The following TAPT1 variants were observed in gnomAD, a reference collection of about 807,000 sequenced individuals.
TAPT1 encodes the protein transmembrane anterior posterior transformation protein 1 homolog.
TAPT1 carries 28 observed loss-of-function variants against 65.6 expected under a neutral mutation model. The ratio of observed to expected loss-of-function variants is 0.43; its 90% confidence interval spans 0.32 to 0.59. The LOEUF is 0.59. TAPT1 is among the 20% of genes least tolerant of loss of function. The pLI, the probability that TAPT1 is intolerant of heterozygous loss-of-function variation, is 0.09. For synonymous variants in TAPT1, 278 were observed against 245.2 expected (o/e 1.13, Z -1.25); for missense variants, 563 against 679.9 (o/e 0.83, Z 1.91).
intron 1 of TAPT1, among the ~76,000 whole-genome samples, chr4:16,214,141 T>A (rs1251070003): frequency 6.6e-6 from 1 of 152,206 alleles, no homozygotes; most frequent in East Asian, 1.9e-4. Flanking sequence ...AGGGCTAGAA[T>A]AGTCAGAAAA....
At chr4:16,174,515 A>C (rs981276696) in intron 10 of TAPT1, 155 bp downstream of exon 10, 1 of 718,746 alleles carries the variant, frequency 1.4e-6, no homozygotes, top group African/African-American at 1.8e-5. Context: ...ATTATTCTTA[A>C]TTTGTAAATG....
chr4:16,161,196 T>C lies in TAPT1; in HGVS notation c.*2112A>G, dbSNP rs1244865889. On this transcript the variant is annotated 3_prime_UTR_variant, in exon 14 of 14. Transcript: ENST00000405303. ...AAGCAATAATTCAAATTAAGATAGC[T>C]CTATCACTTGTGAATTACAAATAAA... 6.6e-6 allele frequency: 1 copy of C among 152,624 alleles called. No individual in the cohort carries two copies. Among genetic ancestry groups the C allele is most frequent in the African/African-American group, 2.4e-5 (1 of 41,442 alleles). 9.5% of individuals were successfully genotyped at this position (152,624 alleles called of 1,614,324 possible). A position where few individuals can be genotyped will look rare whatever the true frequency, so the allele number is the denominator to read the frequency against.
intron 1 of TAPT1, among the ~76,000 whole-genome samples, chr4:16,219,866 C>T (rs1751150013): frequency 6.6e-6 from 1 of 152,156 alleles, no homozygotes; most frequent in African/African-American, 2.4e-5. Context: ...GGGAATAGTA[C>T]CTAGTCCAGC....
chr4:16,197,788 T>C (rs888615096), intron 3 of TAPT1, among the ~76,000 whole-genome samples: 2 of 152,178 alleles, frequency 1.3e-5, no homozygotes, highest in Admixed American at 1.3e-4. Flanking sequence ...ACTACTCTTA[T>C]CTGGGAAAGA....
chr4:16,226,565 C>A (rs927444643), upstream of TAPT1: 6 of 776,098 alleles, frequency 7.7e-6, no homozygotes, highest in African/African-American at 9.5e-5. Context: ...CCGCCGCCGC[C>A]GCCGCCGCCA....
chr4:16,187,685 T>C (rs1337075717), intron 5 of TAPT1, among the ~76,000 whole-genome samples: 1 of 152,112 alleles, frequency 6.6e-6, no homozygotes, highest in East Asian at 1.9e-4. Flanking sequence ...TATAAATATG[T>C]AGGGGTACAC....
At chr4:16,169,389 C>A (rs1172045450) in intron 12 of TAPT1, among the ~76,000 whole-genome samples, 1 of 152,138 alleles carries the variant, frequency 6.6e-6, no homozygotes, top group Non-Finnish European at 1.5e-5. Context: ...ACAATTATTC[C>A]CATTGAGATT....
chr4:16,183,080 A>G (rs1748806971), intron 7 of TAPT1: 1 of 152,246 alleles, frequency 6.6e-6, no homozygotes, highest in Non-Finnish European at 1.5e-5. Flanking sequence ...CTACTACTGA[A>G]GCATATGAAG....
intron 13 of TAPT1, among the ~76,000 whole-genome samples, chr4:16,165,552 G>A (rs1253901040): frequency 2.0e-5 from 3 of 147,618 alleles, no homozygotes; most frequent in Non-Finnish European, 4.5e-5. Context: ...CCTGGGCGAC[G>A]GAGCAAAACT....
At chr4:16,163,756 A>T (rs1158563806) in intron 13 of TAPT1, among the ~76,000 whole-genome samples, 1 of 152,208 alleles carries the variant, frequency 6.6e-6, no homozygotes, top group Non-Finnish European at 1.5e-5. Context: ...AGGGTACATT[A>T]CATTGCTCGT....
Position 16,174,747 on chromosome 4 carries a change from T to C in TAPT1, c.1108-18A>G. 3.9e-6 allele frequency: 6 copies of C among 1,533,152 alleles called. No homozygotes were observed. The highest frequency in any genetic ancestry group is 5.3e-6 in the Non-Finnish European group (6 of 1,134,326). The allele number at this position is 1,533,152 out of a possible 1,614,324, so 95.0% of individuals were successfully genotyped here. A position where few individuals can be genotyped will look rare whatever the true frequency, so the allele number is the denominator to read the frequency against. On this transcript the variant is annotated intron_variant, in intron 9 of 13. Transcript: ENST00000405303. ...CTGTAGACCTAAAAACAAACAAGAATGAAATATCAAGTAATACAGTAAAAA... is the reference window on the plus strand; with the variant it reads ...CTGTAGACCTAAAAACAAACAAGAACGAAATATCAAGTAATACAGTAAAAA...
At chr4:16,178,128 A>T (rs887106445) in intron 8 of TAPT1, among the ~76,000 whole-genome samples, 1 of 152,136 alleles carries the variant, frequency 6.6e-6, no homozygotes, top group African/African-American at 2.4e-5. Flanking sequence ...CCCTTCATGG[A>T]CACCCTGTTA....
chr4:16,169,982 C>G (rs1747888722), intron 12 of TAPT1, among the ~76,000 whole-genome samples: 1 of 152,178 alleles, frequency 6.6e-6, no homozygotes. Flanking sequence ...TGCACACCAC[C>G]TAGGCGAGGG....
intron 2 of TAPT1, among the ~76,000 whole-genome samples, chr4:16,205,989 C>T (rs1161042256): frequency 6.6e-6 from 1 of 152,100 alleles, no homozygotes; most frequent in Non-Finnish European, 1.5e-5. Context: ...AAGATGTTCT[C>T]AATAAACTCA....
chr4:16,209,138 T>C (rs1048737871), intron 2 of TAPT1, among the ~76,000 whole-genome samples: 1 of 152,176 alleles, frequency 6.6e-6, no homozygotes. Context: ...CTAACAATTT[T>C]CCACCTCTGG....
At chr4:16,170,584 C>G in intron 12 of TAPT1, 69 bp downstream of exon 12, 1 of 1,165,460 alleles carries the variant, frequency 8.6e-7, no homozygotes. Flanking sequence ...TGGGATGCTA[C>G]TAACTTCCAT....
intron 13 of TAPT1, among the ~76,000 whole-genome samples, chr4:16,165,533 GCACTC>G (rs1375829221): frequency 1.4e-5 from 2 of 147,774 alleles, no homozygotes; most frequent in Admixed American, 1.4e-4. Flanking sequence ...TCACGCCACT[GCACTC>G]CAGCCTGGGC....
chr4:16,164,813 A>C (rs181301714), intron 13 of TAPT1, among the ~76,000 whole-genome samples: 1 of 152,318 alleles, frequency 6.6e-6, no homozygotes, highest in East Asian at 1.9e-4. Context: ...AAAAAAATGC[A>C]ATCCTTATTA....
In TAPT1 at chr4:16,211,080, A is replaced by T. The variant is rs77009315; in HGVS notation, c.330+2688T>A. ...CACATTAGTAAACAGGTTTGATAAG[A>T]CATATTAAGTTGACCTTTATCTTAA... On this transcript the variant is annotated intron_variant, in intron 2 of 13. Transcript: ENST00000405303. 5.9e-5 allele frequency among the ~76,000 whole-genome samples: 9 copies of T among 152,150 alleles called. No homozygotes were observed. The East Asian group carries it at 1.7e-3, about 29-fold the overall frequency.
Sources: allele counts gnomAD v4.1 joint callset (sites outside exome capture counted in the v4.1 genomes callset), GRCh38; gene constraint gnomAD v4.1.1; transcripts MANE v1.5; gene names NCBI Gene and HGNC (gene_info 2026-07-23, HGNC 2026-07-21).